Variants in AGPAT3 observed in about 807,000 individuals in gnomAD.
AGPAT3 encodes the protein 1-acyl-sn-glycerol-3-phosphate acyltransferase gamma.
In AGPAT3, 5 loss-of-function variants were observed where a neutral mutation model predicts 47.3. The observed-to-expected ratio is 0.11, with a 90% CI of 0.06 to 0.22. The LOEUF is 0.22. Ranked by LOEUF, AGPAT3 falls within the 10% of genes least tolerant of loss-of-function variation. AGPAT3 has a pLI of 1.00. For synonymous variants in AGPAT3, 212 were observed against 208.3 expected (o/e 1.02, Z -0.15); for missense variants, 315 against 493.0 (o/e 0.64, Z 3.42).
intron 8 of AGPAT3, among the ~76,000 whole-genome samples, chr21:43,980,389 T>G (rs2089803659): frequency 6.6e-6 from 1 of 151,994 alleles, no homozygotes; most frequent in South Asian, 2.1e-4. Flanking sequence ...CTGCGGAGTG[T>G]CTGCTCTATC....
rs773692091 is a variant in AGPAT3 at position 43,980,973 on chromosome 21, C to G, written c.844-16C>G. On this transcript the variant is annotated splice_polypyrimidine_tract_variant and intron_variant, in intron 8 of 9. Transcript: ENST00000291572. ...AAGAAGCCTCACGCTTCCTTTTTCT[C>G]TGTTGACTCTTCTAGGACGCGCTCC... 3.1e-6 allele frequency: 5 copies of G among 1,600,164 alleles called. No homozygotes were observed. The East Asian group carries it at 9.1e-5, about 29-fold the overall frequency.
At chr21:43,896,966 T>TTTC (rs1445381672) in intron 1 of AGPAT3, among the ~76,000 whole-genome samples, 2 of 148,018 alleles carry the variant, frequency 1.4e-5, no homozygotes. Flanking sequence ...TTTTTTTTTT[T>TTTC]TTCAGTATTT....
chr21:43,944,580 G>C (rs1187871606), intron 2 of AGPAT3, among the ~76,000 whole-genome samples: 1 of 152,236 alleles, frequency 6.6e-6, no homozygotes, highest in Non-Finnish European at 1.5e-5. Flanking sequence ...ACAGAGGCTT[G>C]TTCCCCAGAA....
intron 2 of AGPAT3, among the ~76,000 whole-genome samples, chr21:43,935,368 G>T (rs2087408353): frequency 6.6e-6 from 1 of 152,256 alleles, no homozygotes; most frequent in Non-Finnish European, 1.5e-5. Flanking sequence ...CCCCGGGGAG[G>T]CTGAGCCGGG....
chr21:43,903,360 T>TA (rs1361856443), intron 1 of AGPAT3, among the ~76,000 whole-genome samples: 1 of 152,148 alleles, frequency 6.6e-6, no homozygotes, highest in African/African-American at 2.4e-5. Context: ...GGAATGGACA[T>TA]AAAGCCCCTG....
rs557776873 is a variant in AGPAT3, at chr21:43,908,375, C to T, written c.-49+4356C>T. On this transcript the variant is annotated intron_variant, in intron 2 of 9. Coordinates refer to ENST00000291572, the MANE Select transcript of AGPAT3 (RefSeq NM_020132.5). This position sits in a 1 kb window ranked among gnomAD's most constrained non-coding sequence, Gnocchi z 4.9. Reference sequence around the variant, plus strand: ...CCAACCTGACCTGTGTGTTGAGCCCCGGCCCTTCTCGATCAGAAAGGAGGT... The same window carrying T: ...CCAACCTGACCTGTGTGTTGAGCCCTGGCCCTTCTCGATCAGAAAGGAGGT... 2.6e-4 allele frequency among the ~76,000 whole-genome samples: 40 copies of T among 152,266 alleles called. No homozygotes were observed. Among genetic ancestry groups the T allele is most frequent in the African/African-American group, 7.7e-4 (32 of 41,542 alleles).
chr21:43,968,999 C>A, intron 4 of AGPAT3, 119 bp from the exon 5 acceptor site: 2 of 1,102,428 alleles, frequency 1.8e-6, no homozygotes, highest in Non-Finnish European at 2.6e-6. Context: ...CCCTGAGCCA[C>A]AAAGCCGTGA....
In AGPAT3 at chr21:43,932,580, T is replaced by G. The variant is rs1182869928; in HGVS notation, c.-48-27054T>G. Among the ~76,000 whole-genome samples, 1 of 152,208 alleles carries G rather than the reference T, an allele frequency of 6.6e-6. No homozygotes were observed. Among genetic ancestry groups the G allele is most frequent in the Non-Finnish European group, 1.5e-5 (1 of 68,038 alleles). On this transcript the variant is annotated intron_variant, in intron 2 of 9. Transcript: ENST00000291572. The surrounding 1 kb of genome is among the most constrained non-coding windows in gnomAD (Gnocchi z 5.2). ...GCTGCAGTGAACATGGGCGTGCCGG[T>G]GTCTATTTGACACACTGATTTCAGT...
chr21:43,976,961 T>C (rs1001948314), intron 7 of AGPAT3, among the ~76,000 whole-genome samples: 1 of 152,258 alleles, frequency 6.6e-6, no homozygotes, highest in African/African-American at 2.4e-5. Flanking sequence ...TGTAAAAGTA[T>C]TTAAAAGATT....
rs1006919492 is a variant in AGPAT3 at position 43,954,883 on chromosome 21, G to A, written c.-48-4751G>A. Reference sequence around the variant, plus strand: ...GAGAAACATGTGCCAGAGGGCAGGCGTGGGCTCTCCGGGGAGTCTCTGCGT... The same window carrying A: ...GAGAAACATGTGCCAGAGGGCAGGCATGGGCTCTCCGGGGAGTCTCTGCGT... On this transcript the variant is annotated intron_variant, in intron 2 of 9. Transcript: ENST00000291572. The surrounding 1 kb of genome is among the most constrained non-coding windows in gnomAD (Gnocchi z 4.0). The A allele has an allele frequency of 1.3e-5, 5 of 381,626 alleles. No individual in the cohort carries two copies. Among genetic ancestry groups the A allele is most frequent in the African/African-American group, 2.2e-5 (1 of 45,466 alleles). The allele number at this position is 381,626 out of a possible 1,614,324, so 23.6% of individuals were successfully genotyped here.
At chr21:43,899,740 T>C (rs1370908567) in intron 1 of AGPAT3, among the ~76,000 whole-genome samples, 1 of 151,936 alleles carries the variant, frequency 6.6e-6, no homozygotes, top group Non-Finnish European at 1.5e-5. Context: ...CATCACCTCG[T>C]GTGTGTGTGT....
At chr21:43,892,090 T>C (rs1198252003) in intron 1 of AGPAT3, among the ~76,000 whole-genome samples, 1 of 152,156 alleles carries the variant, frequency 6.6e-6, no homozygotes, top group Non-Finnish European at 1.5e-5. Flanking sequence ...GTGGATCACC[T>C]GAGGTCAGGA....
rs570794834 is a variant in AGPAT3, at chr21:43,934,516, C to T, written c.-48-25118C>T. On this transcript the variant is annotated intron_variant, in intron 2 of 9. Coordinates refer to ENST00000291572, the MANE Select transcript of AGPAT3 (RefSeq NM_020132.5). The surrounding 1 kb of genome is among the most constrained non-coding windows in gnomAD (Gnocchi z 4.7). ...GGCAGCATGGCTTAGGTGTCAGAGA[C>T]GGGAAAGGACCTGGAAGAAAAGAAC... Among the ~76,000 whole-genome samples, 162 of 152,318 alleles carry T rather than the reference C, an allele frequency of 1.1e-3. 7 individuals carry two copies. In the South Asian group the frequency reaches 0.033, roughly 31 times the overall value.
chr21:43,874,269 G>A (rs1053094236), intron 1 of AGPAT3, among the ~76,000 whole-genome samples: 2 of 151,956 alleles, frequency 1.3e-5, no homozygotes, highest in African/African-American at 2.4e-5. Context: ...CAGGCAATCC[G>A]CCCACCTCGG....
chr21:43,945,152 T>A (rs1569080148), intron 2 of AGPAT3, among the ~76,000 whole-genome samples: 1 of 152,208 alleles, frequency 6.6e-6, no homozygotes, highest in Non-Finnish European at 1.5e-5. Flanking sequence ...TTTGCATATG[T>A]GCACATCCAG....
rs968065449 is a variant in AGPAT3 at position 43,930,200 on chromosome 21, G to A, written c.-49+26181G>A. ...GAGAGAAGTTGGGTTCCCCTTCCAC[G>A]GTTCCCTGCCCCCGGGGACACAGTT... On this transcript the variant is annotated intron_variant, in intron 2 of 9. Coordinates refer to ENST00000291572, the MANE Select transcript of AGPAT3 (RefSeq NM_020132.5). This position sits in a 1 kb window ranked among gnomAD's most constrained non-coding sequence, Gnocchi z 5.0. 5.3e-5 allele frequency among the ~76,000 whole-genome samples: 8 copies of A among 152,188 alleles called. No homozygotes were observed. Among genetic ancestry groups the A allele is most frequent in the East Asian group, 1.9e-4 (1 of 5,198 alleles).
chr21:43,949,349 A>G (rs139857832), intron 2 of AGPAT3, among the ~76,000 whole-genome samples: 2 of 152,202 alleles, frequency 1.3e-5, no homozygotes, highest in African/African-American at 4.8e-5. Flanking sequence ...GGGTCATTGG[A>G]GTGGCTGTCG....
chr21:43,953,693 C>G (rs2088311871), intron 2 of AGPAT3, among the ~76,000 whole-genome samples: 1 of 152,160 alleles, frequency 6.6e-6, no homozygotes, highest in African/African-American at 2.4e-5. Flanking sequence ...GGTTTGAAAA[C>G]AGGTGCCAAT....
rs1022797815 is a variant in AGPAT3 at position 43,880,194 on chromosome 21, C to T, written c.-112+14849C>T. ...TTGTCTGTGGCCTCCCAGGCTGGTG[C>T]TGTGTTCCTGGACCAGCGTCCGATT... On this transcript the variant is annotated intron_variant, in intron 1 of 9. Coordinates refer to ENST00000291572, the MANE Select transcript of AGPAT3 (RefSeq NM_020132.5). This position sits in a 1 kb window ranked among gnomAD's most constrained non-coding sequence, Gnocchi z 4.5. Among the ~76,000 whole-genome samples, 1 of 152,206 alleles carries T rather than the reference C, an allele frequency of 6.6e-6. No individual in the cohort carries two copies. Among genetic ancestry groups the T allele is most frequent in the Admixed American group, 6.5e-5 (1 of 15,282 alleles).
Sources: allele counts gnomAD v4.1 joint callset (sites outside exome capture counted in the v4.1 genomes callset), GRCh38; gene constraint gnomAD v4.1.1; non-coding constraint Gnocchi (gnomAD v3.1); transcripts MANE v1.5; gene names NCBI Gene and HGNC (gene_info 2026-07-23, HGNC 2026-07-21).